Variants in NAALADL2 observed in about 807,000 individuals in gnomAD.
NAALADL2 encodes N-acetylated alpha-linked acidic dipeptidase like 2, also known as inactive N-acetylated-alpha-linked acidic dipeptidase-like protein 2.
NAALADL2 carries 76 observed loss-of-function variants against 87.2 expected under a neutral mutation model. The ratio of observed to expected loss-of-function variants is 0.87; its 90% CI spans 0.72 to 1.05. The LOEUF (loss-of-function observed/expected upper bound fraction) is 1.05, where lower values mean the gene tolerates loss of function less well. Ranked by LOEUF, NAALADL2 falls within the 50% of genes least tolerant of loss-of-function variation. The pLI, the probability that NAALADL2 is intolerant of heterozygous loss-of-function variation, is 0.00. For synonymous variants in NAALADL2, 354 were observed against 331.0 expected, an observed-to-expected ratio of 1.07 and a Z score of -0.75; for missense variants, 1,089 against 945.8, an observed-to-expected ratio of 1.15 and a Z score of -1.99.
At chr3:174,467,738 T>C (rs1716626619) in intron 1 of NAALADL2, among the ~76,000 whole-genome samples, 1 of 151,932 alleles carries the variant, frequency 6.6e-6, no homozygotes, top group Non-Finnish European at 1.5e-5. Context: ...GAAAACTCTC[T>C]AAGATTTATT....
At position 174,859,366 on chromosome 3, in the gene NAALADL2, C is replaced by G. The variant is rs1241629487; in HGVS notation, c.-42C>G. The G allele has an allele frequency of 3.9e-6, 6 of 1,523,510 alleles. No individual in the cohort carries two copies. The highest frequency in any genetic ancestry group is 5.4e-6 in the Non-Finnish European group (6 of 1,106,888). The allele number at this position is 1,523,510 out of a possible 1,614,324, so 94.4% of individuals were successfully genotyped here. A position where few individuals can be genotyped will look rare whatever the true frequency, so the allele number is the denominator to read the frequency against. On this transcript the variant is annotated 5_prime_UTR_variant, in exon 1 of 14. Coordinates refer to ENST00000454872, the MANE Select transcript of NAALADL2 (RefSeq NM_207015.3). ...CACAAAGCTTGCAGGGTAAGTGACA[C>G]AACTTGAAACTGCTTGGCCCTCTTT...
chr3:174,885,689 T>C (rs1730002615), intron 1 of NAALADL2, among the ~76,000 whole-genome samples: 1 of 151,782 alleles, frequency 6.6e-6, no homozygotes, highest in African/African-American at 2.4e-5. Context: ...TCCTTAATAT[T>C]CTGTTCCTCT....
chr3:175,271,336 T>A (rs191289639), intron 4 of NAALADL2, among the ~76,000 whole-genome samples: 41 of 152,264 alleles, frequency 2.7e-4, no homozygotes, highest in African/African-American at 9.4e-4. Flanking sequence ...TTAAAAAAAA[T>A]TGATGGATTA....
At chr3:174,444,880 T>C (rs1196498565) in intron 1 of NAALADL2, among the ~76,000 whole-genome samples, 2 of 152,182 alleles carry the variant, frequency 1.3e-5, no homozygotes, top group Non-Finnish European at 2.9e-5. Context: ...TTGAAAATGA[T>C]GTGAAAAAGA....
intron 5 of NAALADL2, among the ~76,000 whole-genome samples, chr3:175,425,357 C>G (rs1716594185): frequency 6.6e-6 from 1 of 152,142 alleles, no homozygotes; most frequent in South Asian, 2.1e-4. Context: ...TATGCCCTTT[C>G]TACTGATCCT....
chr3:175,215,000 G>A (rs896251699), intron 2 of NAALADL2, among the ~76,000 whole-genome samples: 8 of 152,124 alleles, frequency 5.3e-5, no homozygotes, highest in African/African-American at 1.7e-4. Flanking sequence ...TAAACTATAC[G>A]GACTAATTTT....
intron 13 of NAALADL2, among the ~76,000 whole-genome samples, chr3:175,757,392 C>T (rs1196145380): frequency 6.6e-6 from 1 of 152,018 alleles, no homozygotes; most frequent in Non-Finnish European, 1.5e-5. Context: ...TTAAGGTGCC[C>T]ATTAGTACTA....
In NAALADL2 at chr3:175,019,726, G is replaced by A. The variant is rs73032343; in HGVS notation, c.44-77064G>A. 2.8e-3 allele frequency among the ~76,000 whole-genome samples: 420 copies of A among 152,058 alleles called. 3 individuals are homozygous for A. The highest frequency in any genetic ancestry group is 9.8e-3 in the African/African-American group (406 of 41,502). ...CTGAGCCTAACTACATCCTACTTAA[G>A]AATGACATTAATCTGGTCTCCCTAA... is the stretch of plus-strand genomic sequence containing the variant. On this transcript the variant is annotated intron_variant, in intron 1 of 13. Coordinates refer to ENST00000454872, the MANE Select transcript of NAALADL2 (RefSeq NM_207015.3).
At chr3:175,052,417 A>G (rs1429336648) in intron 1 of NAALADL2, among the ~76,000 whole-genome samples, 3 of 152,122 alleles carry the variant, frequency 2.0e-5, no homozygotes, top group African/African-American at 7.2e-5. Context: ...TCCTTCTTTG[A>G]TTTGCAAAGT....
At chr3:174,507,564 C>T (rs1202801005) in intron 1 of NAALADL2, among the ~76,000 whole-genome samples, 1 of 151,876 alleles carries the variant, frequency 6.6e-6, no homozygotes, top group African/African-American at 2.4e-5. Flanking sequence ...CATCTCTGTG[C>T]AGTCAGTCCT....
chr3:174,950,079 C>T lies in NAALADL2; in HGVS notation c.43+90629C>T, dbSNP rs569086311. On this transcript the variant is annotated intron_variant, in intron 1 of 13. Coordinates refer to ENST00000454872, the MANE Select transcript of NAALADL2 (RefSeq NM_207015.3). ...TTGGTTTCCTATTTTTAAAGGAGTA[C>T]AAAAAACAATCAATGACAACAAAAT... 3.3e-5 allele frequency among the ~76,000 whole-genome samples: 5 copies of T among 151,904 alleles called. No individual in the cohort carries two copies. In the South Asian group the frequency reaches 1.0e-3, roughly 32 times the overall value.
chr3:175,113,933 G>T (rs1213198778), intron 2 of NAALADL2, among the ~76,000 whole-genome samples: 1 of 151,646 alleles, frequency 6.6e-6, no homozygotes, highest in African/African-American at 2.4e-5. Context: ...AAGAAAGGTA[G>T]TTTGTGCCTC....
chr3:175,732,762 A>T (rs1161513404), intron 11 of NAALADL2, among the ~76,000 whole-genome samples: 1 of 152,128 alleles, frequency 6.6e-6, no homozygotes, highest in Non-Finnish European at 1.5e-5. Flanking sequence ...CATTGGGGAT[A>T]AGACTCTGCA....
At chr3:174,871,512 T>A (rs1201694903) in intron 1 of NAALADL2, among the ~76,000 whole-genome samples, 1 of 152,240 alleles carries the variant, frequency 6.6e-6, no homozygotes, top group African/African-American at 2.4e-5. Context: ...ATTATTTTTT[T>A]AAATTTGTGT....
chr3:174,610,423 A>G lies in NAALADL2; in HGVS notation c.-115+59786A>G, dbSNP rs559351893. Among the ~76,000 whole-genome samples, 58 of 151,986 alleles carry G rather than the reference A, an allele frequency of 3.8e-4. No individual in the cohort carries two copies. The East Asian group carries it at 4.8e-3, about 13-fold the overall frequency. ...ATTTTCGCAACCTACTCATCTGACA[A>G]AGGGCTAATATCCAGAATCTACAAT... On this transcript the variant is annotated intron_variant, in intron 2 of 3. Coordinates refer to the NAALADL2 transcript ENST00000434257.
intron 1 of NAALADL2, among the ~76,000 whole-genome samples, chr3:174,893,550 G>A (rs1393396784): frequency 6.6e-6 from 1 of 152,110 alleles, no homozygotes; most frequent in Non-Finnish European, 1.5e-5. Flanking sequence ...AAGTTAAAAA[G>A]GGTGTTGCAT....
At chr3:175,574,252 G>T (rs1391634321) in intron 9 of NAALADL2, among the ~76,000 whole-genome samples, 1 of 152,146 alleles carries the variant, frequency 6.6e-6, no homozygotes, top group Non-Finnish European at 1.5e-5. Context: ...ACAACCATCT[G>T]CAGACTAGGG....
intron 10 of NAALADL2, among the ~76,000 whole-genome samples, chr3:175,580,633 T>A (rs1386887583): frequency 2.0e-5 from 3 of 152,190 alleles, no homozygotes; most frequent in Non-Finnish European, 4.4e-5. Context: ...ACAAAACTTA[T>A]ATAAAGTCAC....
intron 5 of NAALADL2, chr3:175,397,419 A>C (rs186034606): frequency 6.6e-6 from 1 of 152,092 alleles, no homozygotes; most frequent in Non-Finnish European, 1.5e-5. Flanking sequence ...GGGCACAGGT[A>C]TAACAGAGGG....
Sources: gnomAD v4.1 joint callset for allele counts (sites outside exome capture counted in the v4.1 genomes callset) on GRCh38, gnomAD v4.1.1 for gene constraint, MANE v1.5 for transcripts, NCBI Gene and HGNC (gene_info 2026-07-23, HGNC 2026-07-21) for gene names.